Variants in CSMD1 observed in about 807,000 individuals in gnomAD.
CSMD1 encodes the protein CUB and sushi domain-containing protein 1.
CSMD1 carries 213 observed loss-of-function variants against 417.5 expected under a neutral mutation model. The observed-to-expected ratio is 0.51, with a 90% CI of 0.46 to 0.57. CSMD1 has a LOEUF of 0.57. Among genes scored for constraint, CSMD1 ranks in the 20% least tolerant of loss-of-function variants. CSMD1 has a pLI of 0.00. For synonymous variants in CSMD1, 2,862 were observed against 1,736.8 expected, an observed-to-expected ratio of 1.65 and a Z score of -16.11; for missense variants, 6,923 against 4,529.7, an observed-to-expected ratio of 1.53 and a Z score of -15.17.
At chr8:4,046,893 A>G (rs186231376) in intron 3 of CSMD1, among the ~76,000 whole-genome samples, 1 of 152,138 alleles carries the variant, frequency 6.6e-6, no homozygotes, top group East Asian at 1.9e-4. Context: ...CAATGAGGCC[A>G]TCTAAAAATG....
chr8:3,515,876 T>C (rs903391441), intron 10 of CSMD1, among the ~76,000 whole-genome samples: 1 of 152,220 alleles, frequency 6.6e-6, no homozygotes, highest in African/African-American at 2.4e-5. Context: ...AATTAACTTC[T>C]CATAGCATAT....
intron 12 of CSMD1, among the ~76,000 whole-genome samples, chr8:3,457,799 T>G (rs1436681439): frequency 1.3e-5 from 2 of 152,170 alleles, no homozygotes; most frequent in African/African-American, 4.8e-5. Flanking sequence ...AAAACCTGTT[T>G]GTAAAAGTGG....
intron 2 of CSMD1, among the ~76,000 whole-genome samples, chr8:4,500,887 T>C (rs1802227894): frequency 6.6e-6 from 1 of 152,174 alleles, no homozygotes; most frequent in Non-Finnish European, 1.5e-5. Context: ...CCACGTTCTC[T>C]GCACTAAACA....
intron 20 of CSMD1, among the ~76,000 whole-genome samples, chr8:3,360,292 T>C (rs1809073000): frequency 6.6e-6 from 1 of 152,220 alleles, no homozygotes; most frequent in African/African-American, 2.4e-5. Context: ...TGGGAGTAAG[T>C]ATTCAAAATG....
intron 25 of CSMD1, among the ~76,000 whole-genome samples, chr8:3,294,455 C>T (rs543115062): frequency 1.3e-5 from 2 of 152,342 alleles, no homozygotes; most frequent in Non-Finnish European, 1.5e-5. Flanking sequence ...CTTCCTTGAG[C>T]TGTGGTGGGC....
intron 12 of CSMD1, among the ~76,000 whole-genome samples, chr8:3,461,165 G>T (rs538076962): frequency 2.7e-4 from 41 of 152,300 alleles, no homozygotes; most frequent in African/African-American, 9.9e-4. Context: ...AGGGCTCATA[G>T]CTGCACACCT....
At chr8:4,936,965 C>T (rs1807661315) in intron 1 of CSMD1, among the ~76,000 whole-genome samples, 1 of 152,098 alleles carries the variant, frequency 6.6e-6, no homozygotes, top group Non-Finnish European at 1.5e-5. Context: ...AACCCTAGCA[C>T]CTTAGCAGGC....
At chr8:4,450,848 GT>G (rs1799100259) in intron 2 of CSMD1, among the ~76,000 whole-genome samples, 1 of 152,166 alleles carries the variant, frequency 6.6e-6, no homozygotes, top group Non-Finnish European at 1.5e-5. Context: ...GGTGGTGGAT[GT>G]GAGAGGAACA....
At chr8:4,906,961 G>C (rs1563732246) in intron 1 of CSMD1, among the ~76,000 whole-genome samples, 2 of 152,222 alleles carry the variant, frequency 1.3e-5, no homozygotes, top group Non-Finnish European at 2.9e-5. Context: ...TAAATGACTT[G>C]CCTACTAAAT....
At chr8:4,122,972 G>T (rs560538991) in intron 3 of CSMD1, among the ~76,000 whole-genome samples, 1 of 152,168 alleles carries the variant, frequency 6.6e-6, no homozygotes, top group Non-Finnish European at 1.5e-5. Context: ...CTAGACCTAC[G>T]GTGATAATTG....
chr8:4,429,100 A>T (rs1366821298), intron 2 of CSMD1, among the ~76,000 whole-genome samples: 1 of 151,874 alleles, frequency 6.6e-6, no homozygotes, highest in African/African-American at 2.4e-5. Context: ...TCATAAAATG[A>T]TTACTACTGG....
chr8:3,319,608 A>C (rs1246108432), intron 23 of CSMD1, among the ~76,000 whole-genome samples: 2 of 152,226 alleles, frequency 1.3e-5, no homozygotes, highest in African/African-American at 4.8e-5. Context: ...TTTTAAAAAG[A>C]AACATGAGAG....
chr8:3,469,863 T>C (rs76838563), intron 11 of CSMD1, among the ~76,000 whole-genome samples: 4,731 of 152,314 alleles, frequency 0.031, 258 homozygotes, highest in East Asian at 0.19. Flanking sequence ...GAATGCTGTG[T>C]GGTTAACTAA....
At chr8:4,817,793 T>C (rs1473708935) in intron 1 of CSMD1, among the ~76,000 whole-genome samples, 2 of 152,188 alleles carry the variant, frequency 1.3e-5, no homozygotes, top group Non-Finnish European at 2.9e-5. Context: ...AAATACACCA[T>C]CATGAGTGAT....
chr8:3,144,535 A>G (rs2129032680), intron 40 of CSMD1, among the ~76,000 whole-genome samples: 1 of 152,266 alleles, frequency 6.6e-6, no homozygotes, highest in South Asian at 2.1e-4. Context: ...CCAAGTCTAT[A>G]GACCGGTACT....
intron 11 of CSMD1, among the ~76,000 whole-genome samples, chr8:3,488,263 C>T (rs928076663): frequency 2.0e-5 from 3 of 151,932 alleles, no homozygotes; most frequent in Non-Finnish European, 2.9e-5. Flanking sequence ...CCACCACACC[C>T]GGCTAATTTT....
At chr8:4,032,963 C>G (rs529147511) in intron 3 of CSMD1, among the ~76,000 whole-genome samples, 1 of 151,892 alleles carries the variant, frequency 6.6e-6, no homozygotes, top group African/African-American at 2.4e-5. Context: ...TCCTCAATTC[C>G]GATACGAAAC....
At chr8:3,190,233 A>G in intron 33 of CSMD1, 118 bp from the exon 34 acceptor site, 2 of 696,342 alleles carry the variant, frequency 2.9e-6, no homozygotes, top group East Asian at 2.8e-5. Flanking sequence ...GAATTTAATA[A>G]CGACTCCAAC....
intron 12 of CSMD1, among the ~76,000 whole-genome samples, chr8:3,428,033 T>C (rs1813968218): frequency 6.6e-6 from 1 of 152,252 alleles, no homozygotes. Context: ...CAAATTGCAT[T>C]ATCTGCTTCG....
Sources: allele counts gnomAD v4.1 joint callset (sites outside exome capture counted in the v4.1 genomes callset), GRCh38; gene constraint gnomAD v4.1.1; transcripts MANE v1.5; gene names NCBI Gene and HGNC (gene_info 2026-07-23, HGNC 2026-07-21).